KCNT2: variants seen among roughly 807,000 people sequenced by gnomAD.
The protein encoded by KCNT2 is potassium sodium-activated channel subfamily T member 2.
A neutral mutation model predicts 153.8 loss-of-function variants in KCNT2; 67 were observed. The observed-to-expected ratio is 0.44, with a 90% CI of 0.36 to 0.53. The LOEUF (loss-of-function observed/expected upper bound fraction) is 0.53, where lower values mean the gene tolerates loss of function less well. KCNT2 is among the 20% of genes least tolerant of loss of function. The probability of loss-of-function intolerance (pLI) is 0.00; values close to 1 mark genes in which losing one functional copy is unlikely to be tolerated. For missense variants in KCNT2, 975 were observed against 1,354.8 expected, an observed-to-expected ratio of 0.72 and a Z score of 4.40; for synonymous variants, 500 against 458.8, an observed-to-expected ratio of 1.09 and a Z score of -1.15.
chr1:196,598,821 C>T (rs897509777), intron 1 of KCNT2, among the ~76,000 whole-genome samples: 27 of 152,042 alleles, frequency 1.8e-4, no homozygotes, highest in African/African-American at 4.3e-4. Context: ...TAAAGTAATA[C>T]GTAATACATG....
rs554659141 is a variant in KCNT2 at position 196,272,257 on chromosome 1, G to A, written c.2910+8603C>T. Among the ~76,000 whole-genome samples the A allele has an allele frequency of 1.8e-3, 270 of 151,910 alleles. 1 individual carries two copies. The highest frequency in any genetic ancestry group is 0.01 in the South Asian group (50 of 4,820). ...GCAATAAAAATTTTTATTTGAAATA[G>A]TAGGCATCAGATATACACTACGGAT... On this transcript the variant is annotated intron_variant, in intron 25 of 27. Transcript: ENST00000294725.
chr1:196,516,908 CTGTT>C (rs1254494184), intron 1 of KCNT2, among the ~76,000 whole-genome samples: 5 of 152,274 alleles, frequency 3.3e-5, no homozygotes, highest in African/African-American at 1.2e-4. Flanking sequence ...AGTAGCCAGA[CTGTT>C]TGTTATGTGG....
chr1:196,397,916 A>C (rs1358324849), intron 13 of KCNT2, among the ~76,000 whole-genome samples: 1 of 151,446 alleles, frequency 6.6e-6, no homozygotes, highest in Non-Finnish European at 1.5e-5. Flanking sequence ...CACTTGAATT[A>C]CTGCTTAAAT....
At chr1:196,421,660 A>T (rs1388293671) in intron 12 of KCNT2, among the ~76,000 whole-genome samples, 1 of 152,058 alleles carries the variant, frequency 6.6e-6, no homozygotes, top group Non-Finnish European at 1.5e-5. Flanking sequence ...AAATATTTTA[A>T]AAGTTTTCCA....
At chr1:196,274,098 T>C (rs926420730) in intron 25 of KCNT2, among the ~76,000 whole-genome samples, 9 of 151,662 alleles carry the variant, frequency 5.9e-5, no homozygotes, top group South Asian at 2.1e-4. Context: ...TACATACATA[T>C]GTAATTAAGT....
chr1:196,282,402 TAA>T, intron 23 of KCNT2, 46 bp from the exon 24 acceptor site: 8 of 932,844 alleles, frequency 8.6e-6, no homozygotes, highest in African/African-American at 1.7e-5. Context: ...TATTTATATA[TAA>T]TGTGTATGAG....
intron 1 of KCNT2, among the ~76,000 whole-genome samples, chr1:196,588,968 A>C (rs907866958): frequency 1.3e-5 from 2 of 151,958 alleles, no homozygotes; most frequent in Non-Finnish European, 2.9e-5. Context: ...TGAATCCCCC[A>C]AAAAGCCTAT....
chr1:196,563,748 A>G (rs1659738277), intron 1 of KCNT2, among the ~76,000 whole-genome samples: 1 of 151,994 alleles, frequency 6.6e-6, no homozygotes, highest in African/African-American at 2.4e-5. Context: ...CACATCAACA[A>G]AATGAAAGAC....
At chr1:196,489,060 G>T (rs1158927880) in intron 3 of KCNT2, among the ~76,000 whole-genome samples, 1 of 151,868 alleles carries the variant, frequency 6.6e-6, no homozygotes, top group Non-Finnish European at 1.5e-5. Context: ...AAAAAAGTGT[G>T]GGTTGTGAGG....
chr1:196,437,719 G>A (rs1393319011), intron 8 of KCNT2, among the ~76,000 whole-genome samples: 1 of 150,780 alleles, frequency 6.6e-6, no homozygotes, highest in Admixed American at 6.7e-5. Flanking sequence ...AATCATTTAT[G>A]TACACTAACA....
chr1:196,278,782 G>T (rs1658818059), intron 25 of KCNT2, among the ~76,000 whole-genome samples: 1 of 152,144 alleles, frequency 6.6e-6, no homozygotes, highest in Non-Finnish European at 1.5e-5. Flanking sequence ...AGTCTTCTTT[G>T]TACTTGCTAT....
At position 196,332,326 on chromosome 1, in the gene KCNT2, C is replaced by T. The variant is rs183286412; in HGVS notation, c.1998-1065G>A. Among the ~76,000 whole-genome samples the T allele has an allele frequency of 5.3e-5, 8 of 152,214 alleles. No individual in the cohort carries two copies. In the South Asian group the frequency reaches 6.2e-4, roughly 12 times the overall value. ...AGAAGTGTAAAGAAAGAATTTCAGT[C>T]GCACTCCAAAACACTGTTTCCTGTG... On this transcript the variant is annotated intron_variant, in intron 17 of 27. Transcript: ENST00000294725.
chr1:196,367,050 ACACGC>A (rs2148300873), intron 14 of KCNT2, among the ~76,000 whole-genome samples: 1 of 152,290 alleles, frequency 6.6e-6, no homozygotes, highest in East Asian at 1.9e-4. Flanking sequence ...TGAATTTGCA[ACACGC>A]CTACTACAAA....
intron 1 of KCNT2, among the ~76,000 whole-genome samples, chr1:196,605,430 A>G (rs974162574): frequency 1.3e-5 from 2 of 152,194 alleles, no homozygotes; most frequent in Admixed American, 6.5e-5. Context: ...GCAAGGAAGC[A>G]AAAGTATTGA....
At chr1:196,506,311 C>G (rs967571581) in intron 1 of KCNT2, among the ~76,000 whole-genome samples, 1 of 152,090 alleles carries the variant, frequency 6.6e-6, no homozygotes, top group African/African-American at 2.4e-5. Context: ...AATGACAACT[C>G]ATAACTTTTA....
At position 196,226,712 on chromosome 1, in the gene KCNT2, A is replaced by T. The variant is rs973957346; in HGVS notation, c.*1512T>A. Reference sequence around the variant, plus strand: ...TGTAGAATTATTGAGAGTACATTAGAATATCTTTTCTTTAAAAATTTTATT... The same window carrying T: ...TGTAGAATTATTGAGAGTACATTAGTATATCTTTTCTTTAAAAATTTTATT... On this transcript the variant is annotated 3_prime_UTR_variant, in exon 28 of 28. Transcript: ENST00000294725. The T allele has an allele frequency of 6.6e-6, 1 of 151,988 alleles. No individual in the cohort carries two copies. Among genetic ancestry groups the T allele is most frequent in the Non-Finnish European group, 1.5e-5 (1 of 67,864 alleles). The allele number at this position is 151,988 out of a possible 1,614,324, so 9.4% of individuals were successfully genotyped here.
intron 1 of KCNT2, among the ~76,000 whole-genome samples, chr1:196,540,221 C>T (rs899253699): frequency 1.3e-5 from 2 of 152,162 alleles, no homozygotes; most frequent in African/African-American, 4.8e-5. Context: ...ACACTTCCTT[C>T]TTTCTCTAAC....
intron 13 of KCNT2, among the ~76,000 whole-genome samples, chr1:196,383,474 T>A (rs1380509803): frequency 1.3e-5 from 2 of 152,170 alleles, no homozygotes; most frequent in Non-Finnish European, 2.9e-5. Flanking sequence ...GAAACTGGTC[T>A]TTGGACCACA....
Position 196,374,796 on chromosome 1 carries a change from C to T in KCNT2, c.1295-1548G>A, listed in dbSNP as rs116204732. The stretch of plus-strand genomic sequence containing the variant: ...ACCCGGAATGTTATTACTGTAGAAT[C>T]ATATGATATCAATACATAGGGAACC... On this transcript the variant is annotated intron_variant, in intron 13 of 27. Coordinates refer to ENST00000294725, the MANE Select transcript of KCNT2 (RefSeq NM_198503.5). Among the ~76,000 whole-genome samples, 682 of 151,764 alleles carry T rather than the reference C, an allele frequency of 4.5e-3. 4 individuals carry two copies. Among genetic ancestry groups the T allele is most frequent in the African/African-American group, 0.015 (620 of 41,488 alleles).
Sources: allele counts gnomAD v4.1 joint callset (sites outside exome capture counted in the v4.1 genomes callset), GRCh38; gene constraint gnomAD v4.1.1; transcripts MANE v1.5; gene names NCBI Gene and HGNC (gene_info 2026-07-23, HGNC 2026-07-21).